Variants in MROH9 observed in about 807,000 individuals in gnomAD.
The protein encoded by MROH9 is maestro heat-like repeat-containing protein family member 9.
A neutral mutation model predicts 98.2 loss-of-function variants in MROH9; 92 were observed. That is an observed-to-expected ratio of 0.94 (90% CI 0.79 to 1.11). The LOEUF (loss-of-function observed/expected upper bound fraction) is 1.11. Ranked by LOEUF, MROH9 falls within the 50% of genes most tolerant of loss-of-function variation. The pLI is 0.00. For synonymous variants in MROH9, 397 were observed against 368.9 expected, an observed-to-expected ratio of 1.08 and a Z score of -0.87; for missense variants, 1,057 against 1,014.8, an observed-to-expected ratio of 1.04 and a Z score of -0.57.
At position 171,047,800 on chromosome 1, in the gene MROH9, C is replaced by T. The variant is rs117672842; in HGVS notation, c.2282-14332C>T. Among the ~76,000 whole-genome samples the T allele has an allele frequency of 9.7e-4, 147 of 152,168 alleles. No homozygotes were observed. In the East Asian group the frequency reaches 0.026, roughly 27 times the overall value. On this transcript the variant is annotated intron_variant, in intron 20 of 21. Transcript: ENST00000367759. ...TCTGGGCTTATTTATAGCTGTCCTT[C>T]TTGGGAAGGCTTTGCAGAGATTTGA...
At chr1:170,962,820 A>C (rs1650068430) in intron 6 of MROH9, among the ~76,000 whole-genome samples, 1 of 152,160 alleles carries the variant, frequency 6.6e-6, no homozygotes, top group African/African-American at 2.4e-5. Flanking sequence ...CATATACAAA[A>C]ATTAACTGAA....
chr1:170,991,056 C>G (rs1651336940), intron 11 of MROH9, among the ~76,000 whole-genome samples: 1 of 152,130 alleles, frequency 6.6e-6, no homozygotes, highest in Non-Finnish European at 1.5e-5. Flanking sequence ...TACTGGCCCT[C>G]AAGCATTTTG....
chr1:170,949,729 C>T (rs1197069337), intron 3 of MROH9, among the ~76,000 whole-genome samples: 1 of 152,010 alleles, frequency 6.6e-6, no homozygotes, highest in Admixed American at 6.6e-5. Flanking sequence ...TTGAGTTCTT[C>T]ATCAGCAGGG....
intron 1 of MROH9, among the ~76,000 whole-genome samples, chr1:170,944,688 T>C (rs1377680429): frequency 6.6e-6 from 1 of 152,080 alleles, no homozygotes; most frequent in Non-Finnish European, 1.5e-5. Context: ...GTAAAGGTGA[T>C]TTTTTAAATG....
At chr1:171,030,994 A>G (rs1329160089) in intron 20 of MROH9, among the ~76,000 whole-genome samples, 1 of 152,198 alleles carries the variant, frequency 6.6e-6, no homozygotes, top group Non-Finnish European at 1.5e-5. Flanking sequence ...TATTTAGAAT[A>G]GTTAGCTCTT....
chr1:171,050,853 T>A (rs1653643678), intron 20 of MROH9, among the ~76,000 whole-genome samples: 1 of 152,206 alleles, frequency 6.6e-6, no homozygotes, highest in South Asian at 2.1e-4. Context: ...ATGTGCCTAG[T>A]TAAGGGTTTT....
At chr1:170,972,907 T>G (rs1252749975) in intron 8 of MROH9, among the ~76,000 whole-genome samples, 1 of 145,478 alleles carries the variant, frequency 6.9e-6, no homozygotes, top group African/African-American at 2.6e-5. Context: ...CAATGACTCT[T>G]GAAAGATGAG....
At chr1:170,970,739 AGAG>A (rs1650421855) in intron 7 of MROH9, among the ~76,000 whole-genome samples, 1 of 106,710 alleles carries the variant, frequency 9.4e-6, no homozygotes, top group Non-Finnish European at 2.1e-5. Context: ...TGTGAGAGAG[AGAG>A]AGAGAGAGAG....
intron 10 of MROH9, 69 bp downstream of exon 10, chr1:170,986,779 T>C: frequency 1.2e-5 from 17 of 1,449,374 alleles, no homozygotes; most frequent in Non-Finnish European, 1.6e-5. Context: ...GCCTGTGTTG[T>C]ATGTCCACTT....
intron 1 of MROH9, among the ~76,000 whole-genome samples, chr1:170,942,560 T>C (rs1649166835): frequency 6.6e-6 from 1 of 152,162 alleles, no homozygotes; most frequent in Non-Finnish European, 1.5e-5. Context: ...ATACATTTAC[T>C]AAAATATGGG....
intron 7 of MROH9, among the ~76,000 whole-genome samples, chr1:170,971,492 T>C (rs368048473): frequency 7.9e-5 from 12 of 152,220 alleles, no homozygotes; most frequent in African/African-American, 2.4e-4. Context: ...AGTACTTTCC[T>C]AGGAATTTTT....
chr1:170,994,822 A>G (rs533753249), intron 12 of MROH9, among the ~76,000 whole-genome samples: 1 of 151,932 alleles, frequency 6.6e-6, no homozygotes, highest in East Asian at 1.9e-4. Context: ...TTTTTAAATT[A>G]TTTTTCCCGA....
chr1:170,943,861 T>G (rs1405568625), intron 1 of MROH9, among the ~76,000 whole-genome samples: 1 of 152,018 alleles, frequency 6.6e-6, no homozygotes, highest in Non-Finnish European at 1.5e-5. Flanking sequence ...AAAATGAACT[T>G]TAGCTCAACA....
chr1:171,003,572 G>T (rs138094608), intron 15 of MROH9, among the ~76,000 whole-genome samples: 2,761 of 152,298 alleles, frequency 0.018, 40 homozygotes, highest in Non-Finnish European at 0.027. Flanking sequence ...GGGGTTGTCT[G>T]CACAGAGTCC....
At position 171,013,002 on chromosome 1, in the gene MROH9, C is replaced by T. The variant is rs918062986; in HGVS notation, c.1597-1115C>T. Among the ~76,000 whole-genome samples, 9 of 152,112 alleles carry T rather than the reference C, an allele frequency of 5.9e-5. No individual in the cohort carries two copies. In the South Asian group the frequency reaches 6.2e-4, roughly 11 times the overall value. ...TCCCTGCTGTCCAGTCTTCTGTTCCCTCTCCCCTCCTCTCTCTCATCTTTC... is the reference window on the plus strand; with the variant it reads ...TCCCTGCTGTCCAGTCTTCTGTTCCTTCTCCCCTCCTCTCTCTCATCTTTC... On this transcript the variant is annotated intron_variant, in intron 15 of 21. Coordinates refer to ENST00000367759, the MANE Select transcript of MROH9 (RefSeq NM_001163629.2).
chr1:170,945,461 C>A, intron 1 of MROH9, 59 bp from the exon 2 acceptor site: 1 of 1,259,068 alleles, frequency 7.9e-7, no homozygotes, highest in Non-Finnish European at 1.2e-6. Flanking sequence ...ATTGATAGAG[C>A]AAAACAAAAC....
rs1557889910 is a variant in MROH9 at position 170,995,382 on chromosome 1, C to T, written c.1195-7C>T. ...ACATTTCTACCTCCTATTTCCTTCC[C>T]TTATAGGCATGCCAGGCCCTGTGCA... On this transcript the variant is annotated splice_polypyrimidine_tract_variant and splice_region_variant and intron_variant, in intron 12 of 21. Transcript: ENST00000367759. The T allele has an allele frequency of 1.2e-6, 2 of 1,613,080 alleles. No homozygotes were observed. Among genetic ancestry groups the T allele is most frequent in the Non-Finnish European group, 1.7e-6 (2 of 1,179,400 alleles).
rs1438691730 is a variant in MROH9 at position 170,965,157 on chromosome 1, C to A, written c.382C>A (p.Leu128Ile). Residue 128 changes from leucine to isoleucine, a missense_variant, in exon 7 of 22, where the codon CTC (leucine) becomes ATC (isoleucine). Leu to Ile is a conservative substitution (Grantham distance 5). Coordinates refer to ENST00000367759, the MANE Select transcript of MROH9 (RefSeq NM_001163629.2). Reference protein sequence around the residue: ...LYKLQILKEMLVWMSKDSSYL... With the variant: ...LYKLQILKEMIVWMSKDSSYL... ...ACTTTTATGTTTCCAACAGGAAATG[C>A]TCGTGTGGATGAGTAAAGATAGCTC... is the stretch of plus-strand genomic sequence containing the variant. The A allele has an allele frequency of 6.2e-7, 1 of 1,604,828 alleles. No individual in the cohort carries two copies. Among genetic ancestry groups the A allele is most frequent in the East Asian group, 2.2e-5 (1 of 44,642 alleles).
At chr1:170,947,409 T>A in intron 2 of MROH9, 118 bp from the exon 3 acceptor site, 1 of 768,820 alleles carries the variant, frequency 1.3e-6, no homozygotes, top group Non-Finnish European at 2.3e-6. Flanking sequence ...TGTGTGCATG[T>A]CCTTGTTGGG....
Sources: allele counts gnomAD v4.1 joint callset (sites outside exome capture counted in the v4.1 genomes callset), GRCh38; gene constraint gnomAD v4.1.1; transcripts MANE v1.5; gene names NCBI Gene and HGNC (gene_info 2026-07-23, HGNC 2026-07-21).